COL3A1: variants seen among roughly 807,000 people sequenced by gnomAD.
COL3A1 encodes the protein collagen type III alpha 1 chain.
In COL3A1, 46 loss-of-function variants were observed where a neutral mutation model predicts 200.9. The ratio of observed to expected loss-of-function variants is 0.23; its 90% CI spans 0.18 to 0.29. COL3A1 has a LOEUF of 0.29. Among genes scored for constraint, COL3A1 ranks in the 10% least tolerant of loss-of-function variants. COL3A1 has a pLI of 1.00. For missense variants in COL3A1, 1,367 were observed against 1,917.6 expected (o/e 0.71, Z 5.36); for synonymous variants, 650 against 628.0 (o/e 1.03, Z -0.52).
intron 44 of COL3A1, 36 bp from the exon 45 acceptor site, chr2:189,007,464 G>A (rs1688618921): frequency 1.4e-6 from 2 of 1,468,642 alleles, no homozygotes; most frequent in South Asian, 2.4e-5. Flanking sequence ...ATATGTATGT[G>A]TGTATATGAC....
chr2:188,976,969 A>T (rs1334349280), intron 1 of COL3A1, among the ~76,000 whole-genome samples: 1 of 152,158 alleles, frequency 6.6e-6, no homozygotes, highest in Non-Finnish European at 1.5e-5. Flanking sequence ...CATATGCGTG[A>T]ATTTTAAATG....
chr2:188,995,228 T>C, intron 21 of COL3A1, 129 bp downstream of exon 21: 2 of 878,838 alleles, frequency 2.3e-6, no homozygotes, highest in South Asian at 3.2e-5. Flanking sequence ...AAATTCCTAA[T>C]ATAATGCATC....
chr2:189,005,546 T>A, intron 41 of COL3A1, 89 bp downstream of exon 41: 1 of 1,023,970 alleles, frequency 9.8e-7, no homozygotes, highest in Non-Finnish European at 1.5e-6. Flanking sequence ...TCTAAGAGTG[T>A]AAATATGGCC....
rs945744009 is a variant in COL3A1 at position 188,976,612 on chromosome 2, G to A, written c.79+2044G>A. ...CACTGAGAGCTGTCATAAAGTTCTG[G>A]GGTGGGGTTTCTTATATATGCCCTC... On this transcript the variant is annotated intron_variant, in intron 1 of 50. Transcript: ENST00000304636. Among the ~76,000 whole-genome samples, 3 of 152,242 alleles carry A rather than the reference G, an allele frequency of 2.0e-5. No homozygotes were observed. In the East Asian group the frequency reaches 5.8e-4, roughly 29 times the overall value.
At position 188,994,855 on chromosome 2, in the gene COL3A1, A is replaced by G. The variant is rs1688269328; in HGVS notation, c.1455+24A>G. ...GGGTACGTTTTCCATGGGGCATCTA[A>G]AAGAAAAGCAGCATCACTGTCATCT... On this transcript the variant is annotated intron_variant, in intron 20 of 50. Coordinates refer to ENST00000304636, the MANE Select transcript of COL3A1 (RefSeq NM_000090.4). The surrounding 1 kb of genome is among the most constrained non-coding windows in gnomAD (Gnocchi z 4.5). 5.6e-6 allele frequency: 9 copies of G among 1,610,716 alleles called. No individual in the cohort carries two copies. Among genetic ancestry groups the G allele is most frequent in the Non-Finnish European group, 6.8e-6 (8 of 1,177,980 alleles).
At chr2:188,998,365 A>G in intron 28 of COL3A1, 46 bp downstream of exon 28, 1 of 1,519,176 alleles carries the variant, frequency 6.6e-7, no homozygotes, top group Non-Finnish European at 9.1e-7. Flanking sequence ...AAAAGAATAC[A>G]CACTGTTTGT....
Position 189,008,209 on chromosome 2 carries a change from G to A in COL3A1, c.3525+67G>A, listed in dbSNP as rs980183573. 108 of 1,348,930 alleles carry A rather than the reference G, an allele frequency of 8.0e-5. 1 individual carries two copies. The highest frequency in any genetic ancestry group is 2.5e-5 in the South Asian group (2 of 80,058). The allele number at this position is 1,348,930 out of a possible 1,614,324, so 83.6% of individuals were successfully genotyped here. Reference sequence around the variant, plus strand: ...ATCTTCCAATTTTCAGAAACACAGCGCATTATGTTTAAATTGAAATAGAGA... The same window carrying A: ...ATCTTCCAATTTTCAGAAACACAGCACATTATGTTTAAATTGAAATAGAGA... On this transcript the variant is annotated intron_variant, in intron 47 of 50. Transcript: ENST00000304636.
In COL3A1 at chr2:188,999,273, T is replaced by A. The variant is rs1214309645; in HGVS notation, c.2023-12T>A. 6.4e-7 allele frequency: 1 copy of A among 1,558,814 alleles called. No individual in the cohort carries two copies. The highest frequency in any genetic ancestry group is 1.2e-5 in the South Asian group (1 of 84,814). On this transcript the variant is annotated splice_polypyrimidine_tract_variant and intron_variant, in intron 29 of 50. Coordinates refer to ENST00000304636, the MANE Select transcript of COL3A1 (RefSeq NM_000090.4). ...GTTGTCTAATATGGTTATTTACATA[T>A]TTTTGTCACAGGGTGATGCTGGTGC...
chr2:188,993,472 G>C lies in COL3A1; in HGVS notation c.1149+13G>C. 3 of 1,541,500 alleles carry C rather than the reference G, an allele frequency of 1.9e-6. No homozygotes were observed. Among genetic ancestry groups the C allele is most frequent in the Non-Finnish European group, 2.6e-6 (3 of 1,138,024 alleles). ...TCAAGGTCCTCCTGTAAGTATCATA[G>C]TTGAGAGGGAGTAAGCATAGTTTCA... On this transcript the variant is annotated intron_variant, in intron 16 of 50. Transcript: ENST00000304636.
At chr2:188,976,736 G>A (rs560155225) in intron 1 of COL3A1, among the ~76,000 whole-genome samples, 13 of 152,206 alleles carry the variant, frequency 8.5e-5, no homozygotes, top group East Asian at 5.8e-4. Flanking sequence ...AATTTTGGTC[G>A]TCTTACAAAT....
chr2:188,998,793 T>A (rs1576467958), intron 29 of COL3A1, 75 bp downstream of exon 29: 1 of 1,353,846 alleles, frequency 7.4e-7, no homozygotes, highest in Non-Finnish European at 1.1e-6. Context: ...TTTTAGTATA[T>A]CAAGCCAAAA....
rs1688364682 is a variant in COL3A1, at chr2:188,997,837, C to G, written c.1923+84C>G. 8.2e-6 allele frequency: 10 copies of G among 1,215,630 alleles called. No homozygotes were observed. The highest frequency in any genetic ancestry group is 9.6e-6 in the Non-Finnish European group (8 of 831,892). 75.3% of individuals were successfully genotyped at this position (1,215,630 alleles called of 1,614,324 possible). ...CTAATAGATTATAATTTATCTGAAG[C>G]TTAACTTGTGATTCTGTCTTTCATC... On this transcript the variant is annotated intron_variant, in intron 27 of 50. Coordinates refer to ENST00000304636, the MANE Select transcript of COL3A1 (RefSeq NM_000090.4).
chr2:188,994,480 T>C lies in COL3A1; in HGVS notation c.1294-61T>C. On this transcript the variant is annotated intron_variant, in intron 18 of 50. Transcript: ENST00000304636. The surrounding 1 kb of genome is among the most constrained non-coding windows in gnomAD (Gnocchi z 4.5). ...AACTTATAACTGAATTATGTGTTAC[T>C]GGTGATGATTTGTTAGTCGAATCCT... 6.3e-7 allele frequency: 1 copy of C among 1,583,400 alleles called. No homozygotes were observed. The highest frequency in any genetic ancestry group is 1.7e-4 in the Middle Eastern group (1 of 5,992).
rs756472145 is a variant in COL3A1 at position 188,984,895 on chromosome 2, T to C, written c.215T>C (p.Leu72Ser). 3 of 1,613,224 alleles carry C rather than the reference T, an allele frequency of 1.9e-6. No homozygotes were observed. The highest frequency in any genetic ancestry group is 3.3e-5 in the Admixed American group (2 of 59,884). Residue 72 changes from leucine (L) to serine (S), a missense_variant, in exon 2 of 51, where the codon TTA (leucine) becomes TCA (serine). Around this residue, in one of 5 missense-constraint regions of COL3A1, gnomAD observed 462 missense variants for 681.4 expected, o/e 0.68. Transcript: ENST00000304636. The part of the protein sequence containing the change: ...CDDIICDDQE[L>S]DCPNPEIPFG... ...GACATAATATGTGACGATCAAGAAT[T>C]AGACTGCCCCAACCCAGAAATTCCA...
chr2:188,986,930 A>T (rs1688075541), intron 4 of COL3A1, 129 bp from the exon 5 acceptor site: 1 of 764,604 alleles, frequency 1.3e-6, no homozygotes, highest in Admixed American at 1.9e-5. Flanking sequence ...TAGTGAATAC[A>T]TACCACATCT....
chr2:189,009,395 TATAAC>T (rs949557268), intron 48 of COL3A1, among the ~76,000 whole-genome samples, 174 bp downstream of exon 48: 8 of 152,306 alleles, frequency 5.3e-5, no homozygotes, highest in African/African-American at 1.7e-4. Context: ...AGATGTAAAA[TATAAC>T]ATAACTTCAG....
Position 188,997,404 on chromosome 2 carries a change from A to G in COL3A1, c.1869+15A>G. On this transcript the variant is annotated intron_variant, in intron 26 of 50. Transcript: ENST00000304636. The stretch of plus-strand genomic sequence containing the variant: ...CAGGGCCTACTGTAAGTTCACTCAT[A>G]TAAAATTGGAGATGAAAATAGGGTG... 6 of 1,612,540 alleles carry G rather than the reference A, an allele frequency of 3.7e-6. No individual in the cohort carries two copies. Among genetic ancestry groups the G allele is most frequent in the Non-Finnish European group, 5.1e-6 (6 of 1,178,572 alleles).
At chr2:189,010,917 T>G (rs772510305) in intron 50 of COL3A1, 27 bp downstream of exon 50, 13 of 1,613,564 alleles carry the variant, frequency 8.1e-6, no homozygotes, top group Admixed American at 6.7e-5. Flanking sequence ...TCAATATAGG[T>G]CATAAAGCAG....
chr2:188,998,730 A>G lies in COL3A1; in HGVS notation c.2022+12A>G, dbSNP rs745914997. 1.7e-5 allele frequency: 27 copies of G among 1,613,012 alleles called. No individual in the cohort carries two copies. The highest frequency in any genetic ancestry group is 1.6e-4 in the Middle Eastern group (1 of 6,078). On this transcript the variant is annotated intron_variant, in intron 29 of 50. Coordinates refer to ENST00000304636, the MANE Select transcript of COL3A1 (RefSeq NM_000090.4). The stretch of plus-strand genomic sequence containing the variant: ...CTCCAGGAGGCAAGGTAGTATTTCA[A>G]TTTATTCTCTACCTTCTTCAGCAGG...
Sources: gnomAD v4.1 joint callset for allele counts (sites outside exome capture counted in the v4.1 genomes callset) on GRCh38, gnomAD v4.1.1 for gene constraint, gnomAD v4.1.1 regional missense constraint, Gnocchi (gnomAD v3.1) non-coding constraint, MANE v1.5 for transcripts, NCBI Gene and HGNC (gene_info 2026-07-23, HGNC 2026-07-21) for gene names.